The following FBXW11 variants were observed in gnomAD, a reference collection of about 807,000 sequenced individuals.
FBXW11 encodes F-box and WD repeat domain containing 11.
Under a neutral mutation model 77.6 loss-of-function variants are expected in FBXW11, and 19 were observed. That is an observed-to-expected ratio of 0.24 (90% CI 0.17 to 0.36). The LOEUF (loss-of-function observed/expected upper bound fraction) is 0.36, where lower values mean the gene tolerates loss of function less well. Among genes scored for constraint, FBXW11 ranks in the 10% least tolerant of loss-of-function variants. FBXW11 has a pLI of 1.00. For synonymous variants in FBXW11, 235 were observed against 249.4 expected (o/e 0.94, Z 0.54); for missense variants, 334 against 704.2 (o/e 0.47, Z 5.95).
At chr5:171,960,822 G>T (rs575302153) in intron 1 of FBXW11, among the ~76,000 whole-genome samples, 1 of 152,268 alleles carries the variant, frequency 6.6e-6, no homozygotes, top group South Asian at 2.1e-4. Context: ...CAGTGAACTT[G>T]ATTTTAAAAC....
chr5:172,006,406 C>T lies in FBXW11; in HGVS notation c.45+52G>A, dbSNP rs367778306. On this transcript the variant is annotated intron_variant, in intron 1 of 13. Coordinates refer to ENST00000517395, the MANE Select transcript of FBXW11 (RefSeq NM_001378974.1). ...CACCGGACGTTGAGGTGGGCAGGCC[C>T]GCCCGGGGCCGGACGGACGGAAGCA... The T allele has an allele frequency of 1.1e-3, 1,623 of 1,490,424 alleles. 3 individuals are homozygous for T. Among genetic ancestry groups the T allele is most frequent in the Non-Finnish European group, 1.4e-3 (1,547 of 1,106,730 alleles). The allele number at this position is 1,490,424 out of a possible 1,614,324, so 92.3% of individuals were successfully genotyped here.
In FBXW11 at chr5:171,876,933, A is replaced by G. The variant is rs1301068660; in HGVS notation, c.972-399T>C. Among the ~76,000 whole-genome samples, 2 of 152,202 alleles carry G rather than the reference A, an allele frequency of 1.3e-5. No individual in the cohort carries two copies. Among genetic ancestry groups the G allele is most frequent in the Non-Finnish European group, 2.9e-5 (2 of 68,032 alleles). Reference sequence around the variant, plus strand: ...CTCATCAGAAGTAGATGCTGGTGCCATGCTTCTTGCAGAGCCTGCAGAACC... The same window carrying G: ...CTCATCAGAAGTAGATGCTGGTGCCGTGCTTCTTGCAGAGCCTGCAGAACC... On this transcript the variant is annotated intron_variant, in intron 8 of 13. Coordinates refer to ENST00000517395, the MANE Select transcript of FBXW11 (RefSeq NM_001378974.1). The surrounding 1 kb of genome is among the most constrained non-coding windows in gnomAD (Gnocchi z 4.2).
At chr5:171,946,850 T>C (rs1200728423) in intron 2 of FBXW11, among the ~76,000 whole-genome samples, 2 of 136,274 alleles carry the variant, frequency 1.5e-5, no homozygotes, top group African/African-American at 5.4e-5. Context: ...AGTCTCACTC[T>C]GTCGCCCAGG....
At chr5:171,982,128 A>C (rs2113497580) in intron 1 of FBXW11, among the ~76,000 whole-genome samples, 1 of 152,332 alleles carries the variant, frequency 6.6e-6, no homozygotes, top group African/African-American at 2.4e-5. Flanking sequence ...CAAAACTCAA[A>C]CAGTACACTT....
In FBXW11 at chr5:171,937,731, G is replaced by A. The variant is rs116116844; in HGVS notation, c.147+19866C>T. Among the ~76,000 whole-genome samples the A allele has an allele frequency of 9.6e-3, 1,449 of 151,718 alleles. 25 individuals carry two copies. The highest frequency in any genetic ancestry group is 0.033 in the African/African-American group (1,374 of 41,294). On this transcript the variant is annotated intron_variant, in intron 2 of 13. Coordinates refer to ENST00000517395, the MANE Select transcript of FBXW11 (RefSeq NM_001378974.1). ...TAGTCCCAGCTACACAGGGGGCTGA[G>A]GTAAGAGGATCACTTGAACCTGGGA...
intron 2 of FBXW11, among the ~76,000 whole-genome samples, chr5:171,943,796 C>T (rs1762866459): frequency 1.3e-5 from 2 of 152,180 alleles, no homozygotes; most frequent in Non-Finnish European, 2.9e-5. Context: ...AACATATATT[C>T]AAACTGCTCA....
rs545719168 is a variant in FBXW11, at chr5:171,997,098, G to A, written c.45+9360C>T. ...TCCATACACCCACCATGGCACCAGC[G>A]GCAAAGGACAGCCTCCAAGAAATGG... is the stretch of plus-strand genomic sequence containing the variant. On this transcript the variant is annotated intron_variant, in intron 1 of 13. Coordinates refer to ENST00000517395, the MANE Select transcript of FBXW11 (RefSeq NM_001378974.1). 1,311 of 1,281,498 alleles carry A rather than the reference G, an allele frequency of 1.0e-3. 1 individual carries two copies. The highest frequency in any genetic ancestry group is 1.2e-3 in the Non-Finnish European group (1,222 of 981,374). The allele number at this position is 1,281,498 out of a possible 1,614,324, so 79.4% of individuals were successfully genotyped here. A position where few individuals can be genotyped will look rare whatever the true frequency, so the allele number is the denominator to read the frequency against.
intron 2 of FBXW11, among the ~76,000 whole-genome samples, chr5:171,945,382 T>C (rs12186539): frequency 1.5e-3 from 230 of 152,336 alleles, no homozygotes; most frequent in Non-Finnish European, 2.5e-3. Flanking sequence ...TAAGGTATAA[T>C]AGAACTAGAA....
intron 4 of FBXW11, among the ~76,000 whole-genome samples, chr5:171,910,087 CAG>C (rs1443676608): frequency 1.7e-4 from 21 of 121,972 alleles, no homozygotes; most frequent in Admixed American, 3.9e-4. Flanking sequence ...TTTTTTGAGA[CAG>C]AGTCTCGCTC....
In FBXW11 at chr5:171,893,421, C is replaced by CAAAAAAAAAAAACAAAAAAAAAAAAAAA. The variant is rs757678376; in HGVS notation, c.715-1818_715-1817insTTTTTTTTTTTTTTTGTTTTTTTTTTTT. 7.0e-4 allele frequency among the ~76,000 whole-genome samples: 28 copies of CAAAAAAAAAAAACAAAAAAAAAAAAAAA among 39,836 alleles called. 1 individual carries two copies. The highest frequency in any genetic ancestry group is 1.1e-3 in the Non-Finnish European group (24 of 22,464). 26.1% of individuals were successfully genotyped at this position (39,836 alleles called of 152,430 possible). ...GACATACAAAAGCACACTTCAAAAC[C>CAAAAAAAAAAAACAAAAAAAAAAAAAAA]AAAAAAAAAAAAAAAAAAAAAAAAA... On this transcript the variant is annotated intron_variant, in intron 6 of 13. Coordinates refer to ENST00000517395, the MANE Select transcript of FBXW11 (RefSeq NM_001378974.1).
intron 1 of FBXW11, among the ~76,000 whole-genome samples, chr5:171,974,753 A>G (rs1764727919): frequency 6.6e-6 from 1 of 152,000 alleles, no homozygotes; most frequent in Non-Finnish European, 1.5e-5. Flanking sequence ...GAGAGATATC[A>G]TTGTCAAAAA....
intron 2 of FBXW11, among the ~76,000 whole-genome samples, chr5:171,940,413 C>A (rs1762687179): frequency 6.6e-6 from 1 of 152,150 alleles, no homozygotes; most frequent in Admixed American, 6.5e-5. Flanking sequence ...GAAGCAATGA[C>A]ATTCCAGTAG....
At chr5:171,937,837 C>CAA (rs893848306) in intron 2 of FBXW11, among the ~76,000 whole-genome samples, 210 of 57,796 alleles carry the variant, frequency 3.6e-3, no homozygotes, top group African/African-American at 8.5e-3. Flanking sequence ...CAAAAAAAAG[C>CAA]AAAAAAAAAA....
At chr5:171,874,011 T>A (rs1757919990) in intron 9 of FBXW11, among the ~76,000 whole-genome samples, 1 of 152,202 alleles carries the variant, frequency 6.6e-6, no homozygotes, top group South Asian at 2.1e-4. Context: ...CAAGTCTTGA[T>A]AAATTGAACA....
chr5:171,902,369 T>C (rs890872160), intron 4 of FBXW11, among the ~76,000 whole-genome samples: 1 of 152,226 alleles, frequency 6.6e-6, no homozygotes, highest in African/African-American at 2.4e-5. Context: ...ATCTAGTTCA[T>C]GTTCATTATA....
intron 1 of FBXW11, among the ~76,000 whole-genome samples, chr5:172,005,083 C>CAGCT (rs1157442898): frequency 3.3e-5 from 5 of 152,170 alleles, no homozygotes; most frequent in African/African-American, 1.2e-4. Flanking sequence ...AGAAACCATG[C>CAGCT]AGCTATCCAA....
Position 171,868,638 on chromosome 5 carries a change from T to C in FBXW11, c.1689A>G (p.Arg563=). The change falls in exon 13 of 14, where the codon AGA becomes AGG. Residue 563 remains arginine (R), a synonymous_variant. Transcript: ENST00000517395. ...SPSRTYTYIS[R] is the part of the protein sequence containing the mutation. The stretch of plus-strand genomic sequence containing the variant: ...AAACGGGTGAAAGTGCAGACTGTTA[T>C]CTAGAGATGTAAGTGTATGTTCTGG... 6.2e-7 allele frequency: 1 copy of C among 1,612,572 alleles called. No homozygotes were observed. Among genetic ancestry groups the C allele is most frequent in the East Asian group, 2.2e-5 (1 of 44,866 alleles).
At chr5:171,952,447 A>ATATATATATATATATATATATATTT (rs1200841290) in intron 2 of FBXW11, among the ~76,000 whole-genome samples, 1 of 6,948 alleles carries the variant, frequency 1.4e-4, no homozygotes. Context: ...ATATATATAT[A>ATATATATATATATATATATATATTT]TTTTTTTTTT....
chr5:171,985,562 C>A (rs1240931100), intron 1 of FBXW11, among the ~76,000 whole-genome samples: 3 of 152,098 alleles, frequency 2.0e-5, no homozygotes, highest in African/African-American at 7.2e-5. Flanking sequence ...TCAAGACCAG[C>A]CTGTGCAACA....
Sources: allele counts gnomAD v4.1 joint callset (sites outside exome capture counted in the v4.1 genomes callset), GRCh38; gene constraint gnomAD v4.1.1; non-coding constraint Gnocchi (gnomAD v3.1); transcripts MANE v1.5; gene names NCBI Gene and HGNC (gene_info 2026-07-23, HGNC 2026-07-21).